TBC1D22A: variants seen among roughly 807,000 people sequenced by gnomAD.
The protein encoded by TBC1D22A is TBC1 domain family member 22A.
In TBC1D22A, 38 loss-of-function variants were observed where a neutral mutation model predicts 60.2. The observed-to-expected ratio is 0.63, with a 90% CI of 0.49 to 0.83. The LOEUF (loss-of-function observed/expected upper bound fraction) is 0.83, where lower values mean the gene tolerates loss of function less well. Among genes scored for constraint, TBC1D22A ranks in the 40% least tolerant of loss-of-function variants. The pLI, the probability that TBC1D22A is intolerant of heterozygous loss-of-function variation, is 0.00. For synonymous variants in TBC1D22A, 302 were observed against 281.7 expected (o/e 1.07, Z -0.72); for missense variants, 628 against 701.0 (o/e 0.90, Z 1.18).
At chr22:47,051,024 C>T (rs2063196027) in intron 11 of TBC1D22A, among the ~76,000 whole-genome samples, 1 of 152,170 alleles carries the variant, frequency 6.6e-6, no homozygotes, top group South Asian at 2.1e-4. Context: ...TAAGGAGACC[C>T]TGTCTGGGCG....
Position 46,894,782 on chromosome 22 carries a change from A to C in TBC1D22A, c.838-2A>C. The C allele has an allele frequency of 6.2e-7, 1 of 1,614,238 alleles. No individual in the cohort carries two copies. Among genetic ancestry groups the C allele is most frequent in the Non-Finnish European group, 8.5e-7 (1 of 1,180,034 alleles). ...AAATGTCCGTTTCTCCTGCTTCTCC[A>C]GATCCACATAGACATCCCTCGCATG... On this transcript the variant is annotated splice_acceptor_variant, in intron 6 of 12. Coordinates refer to ENST00000337137, the MANE Select transcript of TBC1D22A (RefSeq NM_014346.5). LOFTEE classifies it high-confidence loss of function.
chr22:46,981,042 C>T (rs977576389), intron 9 of TBC1D22A, among the ~76,000 whole-genome samples: 1 of 152,132 alleles, frequency 6.6e-6, no homozygotes, highest in Non-Finnish European at 1.5e-5. Flanking sequence ...AGAATATTAA[C>T]CAAAGTAATA....
At position 46,932,635 on chromosome 22, in the gene TBC1D22A, G is replaced by A. The variant is rs1005991723; in HGVS notation, c.1015+20447G>A. Among the ~76,000 whole-genome samples the A allele has an allele frequency of 4.6e-5, 7 of 151,944 alleles. No individual in the cohort carries two copies. The East Asian group carries it at 1.2e-3, about 25-fold the overall frequency. On this transcript the variant is annotated intron_variant, in intron 8 of 12. Coordinates refer to ENST00000337137, the MANE Select transcript of TBC1D22A (RefSeq NM_014346.5). ...GAGCCTTGGGTGGGTGGCAAGGGGC[G>A]ATCGCGGTGGAGATGACTCCTTCTC...
At chr22:46,775,449 GCT>G (rs2083664522) in intron 1 of TBC1D22A, among the ~76,000 whole-genome samples, 1 of 152,174 alleles carries the variant, frequency 6.6e-6, no homozygotes, top group Admixed American at 6.5e-5. Context: ...CTTGGGAGTT[GCT>G]TTCTCGGGGT....
chr22:46,815,491 A>G (rs1439317698), intron 4 of TBC1D22A, among the ~76,000 whole-genome samples: 1 of 152,228 alleles, frequency 6.6e-6, no homozygotes, highest in Non-Finnish European at 1.5e-5. Context: ...TGATTTGCCA[A>G]GGTTTTTCTG....
intron 8 of TBC1D22A, among the ~76,000 whole-genome samples, chr22:46,927,099 T>C (rs2071090351): frequency 6.6e-6 from 1 of 152,090 alleles, no homozygotes; most frequent in Non-Finnish European, 1.5e-5. Context: ...TTCACCTCAT[T>C]CTATGTGGCC....
rs191354981 is a variant in TBC1D22A, at chr22:46,797,724, G to A, written c.637+104G>A. ...ATGTATGCTTATGTAATGCACACGC[G>A]TCCGTGTGTAATTTGCCTTGCAGGA... On this transcript the variant is annotated intron_variant, in intron 4 of 12. Transcript: ENST00000337137. The A allele has an allele frequency of 4.3e-3, 5,170 of 1,199,228 alleles. 13 individuals carry two copies. The highest frequency in any genetic ancestry group is 5.4e-3 in the Non-Finnish European group (4,784 of 893,688). The allele number at this position is 1,199,228 out of a possible 1,614,324, so 74.3% of individuals were successfully genotyped here. A position where few individuals can be genotyped will look rare whatever the true frequency, so the allele number is the denominator to read the frequency against.
intron 8 of TBC1D22A, among the ~76,000 whole-genome samples, chr22:46,929,833 T>C (rs2071254336): frequency 6.6e-6 from 1 of 152,134 alleles, no homozygotes; most frequent in Non-Finnish European, 1.5e-5. Flanking sequence ...TGTGCTAGTG[T>C]GGGAGAAGCA....
chr22:46,842,711 C>T (rs1486025696), intron 4 of TBC1D22A, among the ~76,000 whole-genome samples: 1 of 152,266 alleles, frequency 6.6e-6, no homozygotes, highest in Non-Finnish European at 1.5e-5. Flanking sequence ...TACTGCAGAA[C>T]GTTCTCCAGG....
chr22:46,894,991 A>G, intron 7 of TBC1D22A, 145 bp downstream of exon 7: 1 of 778,796 alleles, frequency 1.3e-6, no homozygotes, highest in Non-Finnish European at 2.2e-6. Flanking sequence ...GCCCTTGTGG[A>G]CACAGTTGCT....
In TBC1D22A at chr22:46,974,359, A is replaced by T; in HGVS notation, c.1085A>T (p.Asp362Val). 6.2e-7 allele frequency: 1 copy of T among 1,611,488 alleles called. No individual in the cohort carries two copies. The highest frequency in any genetic ancestry group is 8.5e-7 in the Non-Finnish European group (1 of 1,179,086). The change falls in exon 9 of 13, where the codon GAC becomes GTC. Residue 362 changes from aspartate (D) to valine (V), a missense_variant. Transcript: ENST00000337137. The part of the protein sequence containing the change: ...PAEVLCNIEA[D>V]TYWCMSKLLD... ...GAGGTGCTGTGCAACATCGAGGCCG[A>T]CACCTACTGGTGCATGAGCAAGCTG...
chr22:46,785,031 T>C (rs1303609792), intron 1 of TBC1D22A, among the ~76,000 whole-genome samples: 1 of 152,212 alleles, frequency 6.6e-6, no homozygotes. Context: ...GAAAAGGACA[T>C]GACAGATAGA....
chr22:46,820,361 G>A (rs1043817353), intron 4 of TBC1D22A, among the ~76,000 whole-genome samples: 1 of 152,142 alleles, frequency 6.6e-6, no homozygotes, highest in Non-Finnish European at 1.5e-5. Flanking sequence ...GCTTTCTAAT[G>A]TGGGCATTTA....
chr22:46,798,402 C>T (rs1448356229), intron 4 of TBC1D22A, among the ~76,000 whole-genome samples: 4 of 152,196 alleles, frequency 2.6e-5, no homozygotes, highest in African/African-American at 9.7e-5. Flanking sequence ...TGCAAGGGGG[C>T]AGGGGTGAGG....
intron 12 of TBC1D22A, among the ~76,000 whole-genome samples, chr22:47,126,206 T>C (rs1484670872): frequency 6.6e-6 from 1 of 152,222 alleles, no homozygotes; most frequent in Non-Finnish European, 1.5e-5. Context: ...AGTCTTGAAC[T>C]CCTGACCTCA....
chr22:46,797,266 C>T (rs1000894134), intron 3 of TBC1D22A, among the ~76,000 whole-genome samples, 178 bp from the exon 4 acceptor site: 1 of 152,162 alleles, frequency 6.6e-6, no homozygotes, highest in Non-Finnish European at 1.5e-5. Flanking sequence ...GCCAGTGAAG[C>T]GAGTGAATTT....
At chr22:47,046,432 T>G (rs557053403) in intron 11 of TBC1D22A, among the ~76,000 whole-genome samples, 1 of 152,246 alleles carries the variant, frequency 6.6e-6, no homozygotes, top group African/African-American at 2.4e-5. Context: ...CCTTAGCGAC[T>G]GGTTGGGATT....
At chr22:47,045,376 T>G (rs1044304201) in intron 11 of TBC1D22A, among the ~76,000 whole-genome samples, 1 of 152,186 alleles carries the variant, frequency 6.6e-6, no homozygotes, top group African/African-American at 2.4e-5. Flanking sequence ...CTCCTCACTC[T>G]GCAGACGTCC....
At chr22:46,979,549 C>T (rs779483856) in intron 9 of TBC1D22A, among the ~76,000 whole-genome samples, 2 of 152,186 alleles carry the variant, frequency 1.3e-5, no homozygotes, top group Non-Finnish European at 2.9e-5. Context: ...TCAGGCTTTC[C>T]GTGTTCTTCC....
Sources: allele counts gnomAD v4.1 joint callset (sites outside exome capture counted in the v4.1 genomes callset), GRCh38; gene constraint gnomAD v4.1.1; transcripts MANE v1.5; gene names NCBI Gene and HGNC (gene_info 2026-07-23, HGNC 2026-07-21).